AGMO: variants seen among roughly 807,000 people sequenced by gnomAD.
AGMO encodes the protein alkylglycerol monooxygenase.
AGMO carries 75 observed loss-of-function variants against 60.2 expected under a neutral mutation model. The observed-to-expected ratio is 1.25, with a 90% CI of 1.03 to 1.51. AGMO has a LOEUF of 1.51. Ranked by LOEUF, AGMO falls within the 40% of genes most tolerant of loss-of-function variation. The probability of loss-of-function intolerance (pLI) is 0.00; values close to 1 mark genes in which losing one functional copy is unlikely to be tolerated. For synonymous variants in AGMO, 261 were observed against 177.1 expected (o/e 1.47, Z -3.76); for missense variants, 763 against 525.5 (o/e 1.45, Z -4.42).
At chr7:15,278,016 G>A (rs1245671628) in intron 12 of AGMO, among the ~76,000 whole-genome samples, 1 of 152,130 alleles carries the variant, frequency 6.6e-6, no homozygotes, top group African/African-American at 2.4e-5. Context: ...AATGAGATCT[G>A]TTTCCCTATC....
intron 10 of AGMO, among the ~76,000 whole-genome samples, chr7:15,369,671 C>T (rs1783124091): frequency 6.6e-6 from 1 of 152,086 alleles, no homozygotes; most frequent in South Asian, 2.1e-4. Flanking sequence ...CACTTCTATA[C>T]ACGTATATAT....
chr7:15,239,333 GTCTGCT>G (rs1466080391), intron 12 of AGMO, among the ~76,000 whole-genome samples: 1 of 152,116 alleles, frequency 6.6e-6, no homozygotes, highest in Non-Finnish European at 1.5e-5. Flanking sequence ...GGTACAAAGT[GTCTGCT>G]AATGAGTTCC....
intron 12 of AGMO, among the ~76,000 whole-genome samples, chr7:15,362,495 A>T (rs150168239): frequency 1.5e-4 from 23 of 152,320 alleles, no homozygotes; most frequent in African/African-American, 4.6e-4. Flanking sequence ...GTAATTTATC[A>T]ATTTCTTCCT....
intron 5 of AGMO, among the ~76,000 whole-genome samples, chr7:15,407,258 C>A (rs965813894): frequency 7.9e-5 from 7 of 88,668 alleles, no homozygotes; most frequent in African/African-American, 2.0e-4. Context: ...TATGTATATA[C>A]TTATATGTAT....
intron 12 of AGMO, among the ~76,000 whole-genome samples, chr7:15,329,955 A>G (rs1781451625): frequency 6.6e-6 from 1 of 152,160 alleles, no homozygotes; most frequent in Admixed American, 6.6e-5. Flanking sequence ...AATGAACAAT[A>G]TGCAGATGCT....
chr7:15,362,761 C>T (rs767711689), intron 12 of AGMO, among the ~76,000 whole-genome samples: 9 of 152,174 alleles, frequency 5.9e-5, no homozygotes, highest in African/African-American at 9.7e-5. Context: ...ATTCAAACCA[C>T]GTGTCTTTTC....
At chr7:15,448,383 G>C (rs535969885) in intron 3 of AGMO, among the ~76,000 whole-genome samples, 1 of 152,052 alleles carries the variant, frequency 6.6e-6, no homozygotes, top group East Asian at 1.9e-4. Flanking sequence ...CCAGGAAGTG[G>C]GCCCTTACTA....
At chr7:15,316,467 C>T (rs1343483692) in intron 12 of AGMO, among the ~76,000 whole-genome samples, 1 of 152,140 alleles carries the variant, frequency 6.6e-6, no homozygotes, top group East Asian at 1.9e-4. Flanking sequence ...AAGATCTACT[C>T]AGTCAAGGTG....
At chr7:15,459,599 T>TGTGTGTGTG (rs1554274867) in intron 3 of AGMO, among the ~76,000 whole-genome samples, 4,338 of 142,168 alleles carry the variant, frequency 0.031, 107 homozygotes, top group African/African-American at 0.039. Context: ...GTATGTGCGT[T>TGTGTGTGTG]TGTGTGTGTG....
At chr7:15,430,822 C>T (rs978511411) in intron 4 of AGMO, among the ~76,000 whole-genome samples, 183 bp downstream of exon 4, 2 of 151,190 alleles carry the variant, frequency 1.3e-5, no homozygotes, top group Non-Finnish European at 3.0e-5. Context: ...ACAGCATTTG[C>T]TTCATGTGTG....
At chr7:15,408,143 A>G (rs1784753449) in intron 5 of AGMO, among the ~76,000 whole-genome samples, 2 of 151,876 alleles carry the variant, frequency 1.3e-5, no homozygotes, top group African/African-American at 4.8e-5. Flanking sequence ...GTATTTCAGG[A>G]AGCAAATAGC....
intron 3 of AGMO, among the ~76,000 whole-genome samples, chr7:15,469,176 G>A (rs1198374863): frequency 6.6e-6 from 1 of 152,074 alleles, no homozygotes; most frequent in African/African-American, 2.4e-5. Flanking sequence ...AATCTCACAT[G>A]TGCTTTAGAA....
At chr7:15,397,580 C>T (rs1347577829) in intron 5 of AGMO, among the ~76,000 whole-genome samples, 1 of 152,204 alleles carries the variant, frequency 6.6e-6, no homozygotes, top group Non-Finnish European at 1.5e-5. Flanking sequence ...TTACTTTCCT[C>T]CTTCCTTCTT....
intron 3 of AGMO, among the ~76,000 whole-genome samples, chr7:15,456,928 T>C (rs1341079391): frequency 6.6e-6 from 1 of 152,134 alleles, no homozygotes; most frequent in East Asian, 1.9e-4. Context: ...TTTTTGTCCA[T>C]CTTATTACTA....
chr7:15,520,349 T>C (rs901485193), intron 3 of AGMO, among the ~76,000 whole-genome samples: 2 of 152,148 alleles, frequency 1.3e-5, no homozygotes, highest in African/African-American at 4.8e-5. Flanking sequence ...CAAGCAGACC[T>C]AATAGACATC....
chr7:15,256,635 C>T (rs941623881), intron 12 of AGMO, among the ~76,000 whole-genome samples: 3 of 152,096 alleles, frequency 2.0e-5, no homozygotes, highest in Non-Finnish European at 2.9e-5. Flanking sequence ...GTGCTGGGAT[C>T]GCAGGCGCAA....
At chr7:15,524,585 G>A (rs1027892695) in intron 3 of AGMO, among the ~76,000 whole-genome samples, 7 of 152,020 alleles carry the variant, frequency 4.6e-5, no homozygotes, top group East Asian at 1.9e-4. Context: ...CTTTGTGGCC[G>A]GGCACACTGG....
At chr7:15,450,729 CA>C (rs1189478616) in intron 3 of AGMO, among the ~76,000 whole-genome samples, 1 of 151,982 alleles carries the variant, frequency 6.6e-6, no homozygotes, top group Non-Finnish European at 1.5e-5. Context: ...AATGTGCCCA[CA>C]GAAAAAAATG....
Position 15,249,270 on chromosome 7 carries a change from A to C in AGMO, c.1264-47911T>G, listed in dbSNP as rs1202045198. ...TTAGTGATGTATGGGTGGAATTCAA[A>C]CTGCAGTGGGTTTAGGAGTGAAGAA... is the stretch of plus-strand genomic sequence containing the variant. On this transcript the variant is annotated intron_variant, in intron 12 of 12. Transcript: ENST00000342526. Among the ~76,000 whole-genome samples the C allele has an allele frequency of 2.0e-5, 3 of 152,004 alleles. No homozygotes were observed. In the East Asian group the frequency reaches 5.8e-4, roughly 29 times the overall value.
Sources: allele counts gnomAD v4.1 joint callset (sites outside exome capture counted in the v4.1 genomes callset), GRCh38; gene constraint gnomAD v4.1.1; transcripts MANE v1.5; gene names NCBI Gene and HGNC (gene_info 2026-07-23, HGNC 2026-07-21).